The following LRBA variants were observed in gnomAD, a reference collection of about 807,000 sequenced individuals.
LRBA encodes the protein lipopolysaccharide-responsive and beige-like anchor protein.
A neutral mutation model predicts 330.0 loss-of-function variants in LRBA; 176 were observed. That is an observed-to-expected ratio of 0.53 (90% CI 0.47 to 0.60). LRBA has a LOEUF of 0.60. Among genes scored for constraint, LRBA ranks in the 20% least tolerant of loss-of-function variants. The probability of loss-of-function intolerance (pLI) is 0.00; values close to 1 mark genes in which losing one functional copy is unlikely to be tolerated. For synonymous variants in LRBA, 1,230 were observed against 1,193.0 expected (o/e 1.03, Z -0.64); for missense variants, 3,259 against 3,444.8 (o/e 0.95, Z 1.35).
At chr4:150,342,292 C>T (rs1735690129) in intron 48 of LRBA, among the ~76,000 whole-genome samples, 1 of 151,164 alleles carries the variant, frequency 6.6e-6, no homozygotes, top group Non-Finnish European at 1.5e-5. Context: ...TGTCCCTTAT[C>T]TATAAAAGAA....
At chr4:150,920,777 A>G (rs1733167872) in intron 5 of LRBA, among the ~76,000 whole-genome samples, 1 of 152,184 alleles carries the variant, frequency 6.6e-6, no homozygotes, top group Non-Finnish European at 1.5e-5. Flanking sequence ...AGTCAAGGAA[A>G]ACTTGCGTAG....
chr4:150,819,322 T>C (rs1449237633), intron 30 of LRBA, among the ~76,000 whole-genome samples: 1 of 151,666 alleles, frequency 6.6e-6, no homozygotes, highest in Non-Finnish European at 1.5e-5. Flanking sequence ...AATGATATCA[T>C]GATGGGGACT....
chr4:150,827,071 G>C (rs1408860284), intron 30 of LRBA, among the ~76,000 whole-genome samples: 2 of 152,114 alleles, frequency 1.3e-5, no homozygotes. Context: ...AGAAATTCAA[G>C]AACTAACAGA....
chr4:150,828,175 A>G lies in LRBA; in HGVS notation c.5171+5T>C. 1 of 1,612,528 alleles carries G rather than the reference A, an allele frequency of 6.2e-7. No homozygotes were observed. Among genetic ancestry groups the G allele is most frequent in the South Asian group, 1.1e-5 (1 of 91,000 alleles). ...CATACCAAAACGAAAAACTATTATCAGTACCTGTCAAAAGATCTGAACTGC... is the reference window on the plus strand; with the variant it reads ...CATACCAAAACGAAAAACTATTATCGGTACCTGTCAAAAGATCTGAACTGC... On this transcript the variant is annotated splice_donor_5th_base_variant and intron_variant, in intron 30 of 56. Transcript: ENST00000651943.
intron 2 of LRBA, among the ~76,000 whole-genome samples, chr4:150,958,886 C>A (rs1049585321): frequency 2.0e-5 from 3 of 149,200 alleles, no homozygotes; most frequent in Non-Finnish European, 2.9e-5. Context: ...TTGGTCAAAG[C>A]CATTCAACAA....
At chr4:150,613,009 G>C (rs917173897) in intron 37 of LRBA, among the ~76,000 whole-genome samples, 1 of 152,072 alleles carries the variant, frequency 6.6e-6, no homozygotes, top group Admixed American at 6.6e-5. Context: ...TTAAGTAAAA[G>C]TATAGAGGTC....
At chr4:150,616,993 AT>A (rs1194016605) in intron 37 of LRBA, among the ~76,000 whole-genome samples, 1 of 152,222 alleles carries the variant, frequency 6.6e-6, no homozygotes, top group Non-Finnish European at 1.5e-5. Flanking sequence ...TGTTCAGTTC[AT>A]TAACCTGCAA....
Position 150,434,636 on chromosome 4 carries a change from G to A in LRBA, c.7041+953C>T, listed in dbSNP as rs193024419. The stretch of plus-strand genomic sequence containing the variant: ...TTTGGGTGGCTGAGGAAGGAAGATC[G>A]CGTAAGACAGTTCAAGACCAGCCTG... On this transcript the variant is annotated intron_variant, in intron 46 of 56. Coordinates refer to ENST00000651943, the MANE Select transcript of LRBA (RefSeq NM_001364905.1). Among the ~76,000 whole-genome samples the A allele has an allele frequency of 2.2e-3, 327 of 152,010 alleles. 1 individual carries two copies. The highest frequency in any genetic ancestry group is 7.3e-3 in the African/African-American group (302 of 41,472).
intron 2 of LRBA, among the ~76,000 whole-genome samples, chr4:150,998,178 C>G (rs895299321): frequency 6.6e-6 from 1 of 151,494 alleles, no homozygotes; most frequent in African/African-American, 2.4e-5. Context: ...ATGGAGAAAC[C>G]CCGTCTCTAC....
At chr4:150,988,799 G>T (rs1044209644) in intron 2 of LRBA, among the ~76,000 whole-genome samples, 2 of 151,624 alleles carry the variant, frequency 1.3e-5, no homozygotes, top group African/African-American at 4.8e-5. Flanking sequence ...GGATGGTCTC[G>T]ATCTCTTGAC....
intron 31 of LRBA, among the ~76,000 whole-genome samples, chr4:150,811,369 A>T (rs1743691839): frequency 6.6e-6 from 1 of 152,042 alleles, no homozygotes; most frequent in Non-Finnish European, 1.5e-5. Flanking sequence ...CCATTTACTT[A>T]AAAGTAGAAA....
At chr4:150,923,127 C>G (rs1340165136) in intron 4 of LRBA, among the ~76,000 whole-genome samples, 7 of 151,602 alleles carry the variant, frequency 4.6e-5, no homozygotes, top group Admixed American at 6.6e-5. Context: ...CGGAGGTAGC[C>G]CCATCCTAAG....
intron 40 of LRBA, among the ~76,000 whole-genome samples, chr4:150,555,476 T>C (rs972387513): frequency 2.6e-5 from 4 of 152,114 alleles, no homozygotes; most frequent in Non-Finnish European, 5.9e-5. Flanking sequence ...CAAACAGAAT[T>C]GGCTGGGTGC....
At chr4:150,267,427 C>CA (rs756947072) in intron 56 of LRBA, among the ~76,000 whole-genome samples, 10 of 135,776 alleles carry the variant, frequency 7.4e-5, no homozygotes, top group Non-Finnish European at 1.2e-4. Context: ...AATGATGAGT[C>CA]AAAAAAAACA....
chr4:150,543,999 T>C (rs1319359681), intron 40 of LRBA, among the ~76,000 whole-genome samples: 1 of 152,240 alleles, frequency 6.6e-6, no homozygotes, highest in Non-Finnish European at 1.5e-5. Context: ...GTTTAGTTAC[T>C]AGCTTACTGC....
chr4:150,940,991 C>T (rs2149526644), intron 2 of LRBA, among the ~76,000 whole-genome samples: 1 of 152,028 alleles, frequency 6.6e-6, no homozygotes, highest in Non-Finnish European at 1.5e-5. Context: ...TATCTACTGA[C>T]TCCTCATGCT....
chr4:150,373,172 TGAGAGA>T lies in LRBA; in HGVS notation c.7195-23019_7195-23014del, dbSNP rs902421554. Among the ~76,000 whole-genome samples the T allele has an allele frequency of 2.4e-4, 23 of 97,500 alleles. No individual in the cohort carries two copies. In the East Asian group the frequency reaches 3.1e-3, roughly 13 times the overall value. The allele number at this position is 97,500 out of a possible 152,430, so 64.0% of individuals were successfully genotyped here. A position where few individuals can be genotyped will look rare whatever the true frequency, so the allele number is the denominator to read the frequency against. On this transcript the variant is annotated intron_variant, in intron 47 of 56. Transcript: ENST00000651943. ...GTGTGTGTGTGTGTGTGTGTGTGTG[TGAGAGA>T]GAGAGAGAGAGAGAGAGAGAGAGAC...
chr4:150,656,672 G>GT (rs1430527021), intron 37 of LRBA, among the ~76,000 whole-genome samples: 3 of 152,154 alleles, frequency 2.0e-5, no homozygotes, highest in African/African-American at 7.2e-5. Context: ...TCAGACAACT[G>GT]TAAGTATTAC....
At chr4:150,785,100 G>A (rs1040027089) in intron 34 of LRBA, among the ~76,000 whole-genome samples, 1 of 152,138 alleles carries the variant, frequency 6.6e-6, no homozygotes, top group Non-Finnish European at 1.5e-5. Flanking sequence ...AAACCTGGGG[G>A]TTTGTTTTTC....
Sources: allele counts gnomAD v4.1 joint callset (sites outside exome capture counted in the v4.1 genomes callset), GRCh38; gene constraint gnomAD v4.1.1; transcripts MANE v1.5; gene names NCBI Gene and HGNC (gene_info 2026-07-23, HGNC 2026-07-21).